Variants in EFEMP1 observed in about 807,000 individuals in gnomAD.
EFEMP1 encodes the protein EGF-containing fibulin-like extracellular matrix protein 1.
In EFEMP1, 18 loss-of-function variants were observed where a neutral mutation model predicts 65.7. The ratio of observed to expected loss-of-function variants is 0.27; its 90% confidence interval spans 0.19 to 0.41. EFEMP1 has a LOEUF of 0.41. EFEMP1 is among the 10% of genes least tolerant of loss of function. The pLI is 1.00. For synonymous variants in EFEMP1, 237 were observed against 219.7 expected, an observed-to-expected ratio of 1.08 and a Z score of -0.70; for missense variants, 469 against 624.8, an observed-to-expected ratio of 0.75 and a Z score of 2.66.
intron 5 of EFEMP1, among the ~76,000 whole-genome samples, chr2:55,913,123 G>GA (rs1174502615): frequency 6.6e-6 from 1 of 152,152 alleles, no homozygotes; most frequent in Non-Finnish European, 1.5e-5. Context: ...GCCTCAACCT[G>GA]AAAAAATGGC....
At chr2:55,904,951 T>C (rs1009500070) in intron 5 of EFEMP1, among the ~76,000 whole-genome samples, 4 of 150,050 alleles carry the variant, frequency 2.7e-5, no homozygotes, top group African/African-American at 9.8e-5. Context: ...TTTCTTCTCT[T>C]CTAAGGGATA....
chr2:55,907,086 AG>A (rs1670310787), intron 5 of EFEMP1, among the ~76,000 whole-genome samples: 1 of 152,244 alleles, frequency 6.6e-6, no homozygotes. Context: ...CTCTTGTGAT[AG>A]GTAAACACAT....
At chr2:55,891,375 G>C (rs1669620544) in intron 5 of EFEMP1, among the ~76,000 whole-genome samples, 1 of 152,134 alleles carries the variant, frequency 6.6e-6, no homozygotes, top group Non-Finnish European at 1.5e-5. Flanking sequence ...AATAATTTTT[G>C]AATCTGAACG....
Position 55,881,653 on chromosome 2 carries a change from T to C in EFEMP1, c.599A>G (p.Gln200Arg), listed in dbSNP as rs1669245714. Residue 200 changes from glutamine to arginine, a missense_variant, in exon 6 of 12, where the codon CAG (glutamine) becomes CGG (arginine). Gln to Arg is a conservative substitution (Grantham distance 43, BLOSUM62 1). Around this residue, in one of 3 missense-constraint regions of EFEMP1, gnomAD observed 399 missense variants for 528.2 expected, o/e 0.76. Transcript: ENST00000355426. ...CINLRGSFAC[Q>R]CPPGYQKRGE... ...TCGCTTCTGATATCCAGGAGGGCAC[T>C]GACATGCAAAGGATCCCCGTAAATT... The C allele has an allele frequency of 6.2e-7, 1 of 1,613,966 alleles. No homozygotes were observed. Among genetic ancestry groups the C allele is most frequent in the South Asian group, 1.1e-5 (1 of 91,084 alleles).
rs543412345 is a variant in EFEMP1, at chr2:55,878,356, G to T, written c.641-491C>A. Among the ~76,000 whole-genome samples, 8 of 152,224 alleles carry T rather than the reference G, an allele frequency of 5.3e-5. No homozygotes were observed. In the South Asian group the frequency reaches 1.7e-3, roughly 32 times the overall value. On this transcript the variant is annotated intron_variant, in intron 6 of 11. Transcript: ENST00000355426. ...AGGCTTGCCATGTGTATCTTAGGAC[G>T]TTTTTGTGTATCAAATAAAAGAACA...
chr2:55,899,854 A>G (rs1669966183), intron 5 of EFEMP1, among the ~76,000 whole-genome samples: 1 of 152,242 alleles, frequency 6.6e-6, no homozygotes, highest in African/African-American at 2.4e-5. Flanking sequence ...GTAGGACAGA[A>G]TAAGTCTTAT....
At chr2:55,898,480 A>T (rs900275566) in intron 5 of EFEMP1, among the ~76,000 whole-genome samples, 2 of 152,190 alleles carry the variant, frequency 1.3e-5, no homozygotes, top group Non-Finnish European at 2.9e-5. Context: ...TACTTTATGT[A>T]CAGTACTTGA....
At chr2:55,920,286 G>C (rs1350133844) in intron 3 of EFEMP1, among the ~76,000 whole-genome samples, 35 of 152,170 alleles carry the variant, frequency 2.3e-4, no homozygotes, top group Non-Finnish European at 1.5e-5. Context: ...TCACCTCCTT[G>C]CTTTTCTATT....
rs1466665245 is a variant in EFEMP1 at position 55,871,526 on chromosome 2, A to C, written c.1001-403T>G. On this transcript the variant is annotated intron_variant, in intron 9 of 11. Transcript: ENST00000355426. The surrounding 1 kb of genome is among the most constrained non-coding windows in gnomAD (Gnocchi z 4.2). ...AAGAGATAGATAAGTATACTGGGGC[A>C]TGTGGAGCAGAGTTGGGTAATTTTG... is the stretch of plus-strand genomic sequence containing the variant. 6.6e-6 allele frequency among the ~76,000 whole-genome samples: 1 copy of C among 152,102 alleles called. No individual in the cohort carries two copies. The highest frequency in any genetic ancestry group is 2.4e-5 in the African/African-American group (1 of 41,444).
At position 55,919,158 on chromosome 2, in the gene EFEMP1, A is replaced by T. The variant is rs1670820607; in HGVS notation, c.82-891T>A. ...CTAGGAAGAGAGGCTATTGTGACAA[A>T]GGCATAAAATTTTTGAAAAGGGAAG... On this transcript the variant is annotated intron_variant, in intron 3 of 11. Coordinates refer to ENST00000355426, the MANE Select transcript of EFEMP1 (RefSeq NM_001039348.3). This position sits in a 1 kb window ranked among gnomAD's most constrained non-coding sequence, Gnocchi z 4.5. Among the ~76,000 whole-genome samples the T allele has an allele frequency of 6.6e-6, 1 of 152,186 alleles. No homozygotes were observed. The highest frequency in any genetic ancestry group is 2.4e-5 in the African/African-American group (1 of 41,434).
Position 55,918,249 on chromosome 2 carries a change from C to G in EFEMP1, c.100G>C (p.Glu34Gln). 6.2e-7 allele frequency: 1 copy of G among 1,614,172 alleles called. No individual in the cohort carries two copies. Among genetic ancestry groups the G allele is most frequent in the South Asian group, 1.1e-5 (1 of 91,084 alleles). ...ITYTQCTDGY[E>Q]WDPVRQQCKD... is the part of the protein sequence containing the mutation. ...CATTGCTGTCTCACAGGATCCCACT[C>G]ATATCCGTCAGTGCATTGCTGTGAA... Residue 34 changes from glutamate to glutamine, a missense_variant, in exon 4 of 12, where the codon GAG (glutamate) becomes CAG (glutamine). This residue lies in a region of EFEMP1 where 66 missense variants were observed against 73.0 expected (regional missense o/e 0.90). Transcript: ENST00000355426.
intron 5 of EFEMP1, among the ~76,000 whole-genome samples, chr2:55,899,425 T>C (rs1669951481): frequency 6.6e-6 from 1 of 152,220 alleles, no homozygotes; most frequent in African/African-American, 2.4e-5. Flanking sequence ...TCATTAAAGA[T>C]TGAACAAATG....
chr2:55,915,484 C>T (rs748264856), intron 5 of EFEMP1, among the ~76,000 whole-genome samples: 1 of 152,080 alleles, frequency 6.6e-6, no homozygotes, highest in East Asian at 1.9e-4. Context: ...CAGTTTCTAC[C>T]GTAACCAATA....
chr2:55,888,558 C>T (rs1368982632), intron 5 of EFEMP1, among the ~76,000 whole-genome samples: 1 of 152,076 alleles, frequency 6.6e-6, no homozygotes, highest in East Asian at 1.9e-4. Flanking sequence ...AGGCTGGTCT[C>T]AAACGCCTGA....
intron 6 of EFEMP1, among the ~76,000 whole-genome samples, chr2:55,878,548 T>G (rs1016267977): frequency 2.0e-5 from 3 of 152,184 alleles, no homozygotes; most frequent in African/African-American, 7.2e-5. Flanking sequence ...TAATAAAATT[T>G]CATTAATTCA....
chr2:55,918,187 T>C, intron 4 of EFEMP1, 32 bp downstream of exon 4: 1 of 1,614,000 alleles, frequency 6.2e-7, no homozygotes, highest in Non-Finnish European at 8.5e-7. Context: ...CAGAAGGCAA[T>C]GATCACATGG....
Position 55,923,353 on chromosome 2 carries a change from G to A in EFEMP1, c.-49+358C>T, listed in dbSNP as rs1053046087. Among the ~76,000 whole-genome samples, 2 of 152,240 alleles carry A rather than the reference G, an allele frequency of 1.3e-5. No homozygotes were observed. Among genetic ancestry groups the A allele is most frequent in the Middle Eastern group, 3.4e-3 (1 of 294 alleles). ...AGCAAGCTAACGCGGCGGTCCCCTGGAGCTGCTCAGCGTCCCAGCTTCTAA... is the reference window on the plus strand; with the variant it reads ...AGCAAGCTAACGCGGCGGTCCCCTGAAGCTGCTCAGCGTCCCAGCTTCTAA... On this transcript the variant is annotated intron_variant, in intron 1 of 11. Coordinates refer to ENST00000355426, the MANE Select transcript of EFEMP1 (RefSeq NM_001039348.3). This position sits in a 1 kb window ranked among gnomAD's most constrained non-coding sequence, Gnocchi z 5.3.
At position 55,876,613 on chromosome 2, in the gene EFEMP1, A is replaced by C; in HGVS notation, c.880+10T>G. ...GGACTTTATTCCATACTATCTGGGA[A>C]GAGTTTTACCTTCACAGTTGAGCCT... On this transcript the variant is annotated intron_variant, in intron 8 of 11. Coordinates refer to ENST00000355426, the MANE Select transcript of EFEMP1 (RefSeq NM_001039348.3). 6.2e-7 allele frequency: 1 copy of C among 1,611,798 alleles called. No individual in the cohort carries two copies. The highest frequency in any genetic ancestry group is 8.5e-7 in the Non-Finnish European group (1 of 1,178,494).
rs1670942847 is a variant in EFEMP1, at chr2:55,922,577, T to G, written c.-7-130A>C. 1 of 848,328 alleles carries G rather than the reference T, an allele frequency of 1.2e-6. No individual in the cohort carries two copies. The highest frequency in any genetic ancestry group is 1.9e-6 in the Non-Finnish European group (1 of 517,856). 52.6% of individuals were successfully genotyped at this position (848,328 alleles called of 1,614,324 possible). ...AGGCTCCACCATACTCAACTTCCAA[T>G]CTGCTTTCTCATCTCCCCTCCCCCT... On this transcript the variant is annotated intron_variant, in intron 2 of 11. Coordinates refer to ENST00000355426, the MANE Select transcript of EFEMP1 (RefSeq NM_001039348.3). The surrounding 1 kb of genome is among the most constrained non-coding windows in gnomAD (Gnocchi z 5.5).
Sources: gnomAD v4.1 joint callset for allele counts (sites outside exome capture counted in the v4.1 genomes callset) on GRCh38, gnomAD v4.1.1 for gene constraint, gnomAD v4.1.1 regional missense constraint, Gnocchi (gnomAD v3.1) non-coding constraint, MANE v1.5 for transcripts, NCBI Gene and HGNC (gene_info 2026-07-23, HGNC 2026-07-21) for gene names.